The following CALN1 variants were observed in gnomAD, a reference collection of about 807,000 sequenced individuals.
The protein encoded by CALN1 is calneuron 1.
A neutral mutation model predicts 30.6 loss-of-function variants in CALN1; 17 were observed. The ratio of observed to expected loss-of-function variants is 0.56; its 90% CI spans 0.38 to 0.83. The LOEUF is 0.83. CALN1 is among the 40% of genes least tolerant of loss of function. The probability of loss-of-function intolerance (pLI) is 0.00; values close to 1 mark genes in which losing one functional copy is unlikely to be tolerated. For missense variants in CALN1, 291 were observed against 354.9 expected (o/e 0.82, Z 1.45); for synonymous variants, 156 against 131.4 (o/e 1.19, Z -1.28).
intron 4 of CALN1, among the ~76,000 whole-genome samples, chr7:72,028,286 C>T (rs1385460478): frequency 6.6e-6 from 1 of 151,944 alleles, no homozygotes; most frequent in African/African-American, 2.4e-5. Context: ...CCTCTGAAAC[C>T]TCGACTCAGG....
At chr7:72,135,512 T>C (rs1001912110) in intron 3 of CALN1, among the ~76,000 whole-genome samples, 2 of 152,216 alleles carry the variant, frequency 1.3e-5, no homozygotes, top group African/African-American at 4.8e-5. Context: ...GCATTGTCAA[T>C]GAGCAGGAAT....
intron 3 of CALN1, among the ~76,000 whole-genome samples, chr7:72,241,109 T>C (rs1794799956): frequency 6.6e-6 from 1 of 152,166 alleles, no homozygotes; most frequent in Non-Finnish European, 1.5e-5. Flanking sequence ...TGGCACACAG[T>C]AGATTCTTAG....
intron 5 of CALN1, among the ~76,000 whole-genome samples, chr7:71,971,732 T>C (rs1797812190): frequency 6.6e-6 from 1 of 151,108 alleles, no homozygotes; most frequent in South Asian, 2.1e-4. Flanking sequence ...ACCCCGTCTC[T>C]ACAAAAAAGT....
intron 5 of CALN1, among the ~76,000 whole-genome samples, chr7:71,821,212 C>A (rs978030636): frequency 1.3e-5 from 2 of 152,018 alleles, no homozygotes; most frequent in African/African-American, 4.8e-5. Flanking sequence ...GCTATGAAAG[C>A]CCCGAGGGAT....
At chr7:72,501,596 G>A in the CALN1 span, among the ~76,000 whole-genome samples, 2 of 151,034 alleles carry the variant, frequency 1.3e-5, no homozygotes, top group East Asian at 2.0e-4. Flanking sequence ...ACCATGGCTA[G>A]GAGTTATGAA....
chr7:71,951,207 G>A (rs1796672851), intron 5 of CALN1, among the ~76,000 whole-genome samples: 2 of 152,068 alleles, frequency 1.3e-5, no homozygotes, highest in African/African-American at 4.8e-5. Flanking sequence ...CTTTTTATAT[G>A]GCATAAGGGA....
intron 4 of CALN1, among the ~76,000 whole-genome samples, chr7:72,063,710 G>A (rs1803822864): frequency 6.6e-6 from 1 of 152,154 alleles, no homozygotes; most frequent in Non-Finnish European, 1.5e-5. Flanking sequence ...TCTGAAATCA[G>A]AAATGCTAAA....
At chr7:71,961,067 T>C (rs191225650) in intron 5 of CALN1, among the ~76,000 whole-genome samples, 2 of 152,348 alleles carry the variant, frequency 1.3e-5, no homozygotes, top group African/African-American at 4.8e-5. Flanking sequence ...TCTGTTTGCC[T>C]TGGCCTCCCA....
intron 2 of CALN1, among the ~76,000 whole-genome samples, chr7:72,356,695 T>C (rs908760463): frequency 5.3e-5 from 8 of 152,052 alleles, no homozygotes. Context: ...TATTATTGTG[T>C]ATTATTAGCT....
intron 1 of CALN1, among the ~76,000 whole-genome samples, chr7:72,403,734 A>G (rs1425602427): frequency 1.3e-5 from 2 of 152,198 alleles, no homozygotes; most frequent in Non-Finnish European, 2.9e-5. Flanking sequence ...TTGCTGGAGT[A>G]TGTGCAGTGT....
chr7:72,271,307 C>A (rs1231994583), intron 3 of CALN1, among the ~76,000 whole-genome samples: 1 of 151,904 alleles, frequency 6.6e-6, no homozygotes, highest in African/African-American at 2.4e-5. Flanking sequence ...AAAACCAACC[C>A]CAGGAGACAA....
intron 3 of CALN1, among the ~76,000 whole-genome samples, chr7:72,219,594 CCTT>C (rs1367745155): frequency 1.3e-5 from 2 of 152,012 alleles, no homozygotes; most frequent in Admixed American, 6.6e-5. Context: ...ATGTAGTACT[CCTT>C]GATACAATTT....
chr7:72,130,773 G>A (rs987088523), intron 3 of CALN1, among the ~76,000 whole-genome samples: 1 of 152,160 alleles, frequency 6.6e-6, no homozygotes, highest in African/African-American at 2.4e-5. Flanking sequence ...ATTTGTGATT[G>A]TAAAAGTACA....
chr7:72,109,681 C>G (rs1807422716), intron 3 of CALN1, among the ~76,000 whole-genome samples: 1 of 152,212 alleles, frequency 6.6e-6, no homozygotes, highest in South Asian at 2.1e-4. Context: ...TCATGGCACA[C>G]TGTGCTCAAG....
chr7:72,281,628 C>G (rs1360860218), intron 2 of CALN1, among the ~76,000 whole-genome samples: 1 of 152,226 alleles, frequency 6.6e-6, no homozygotes, highest in Non-Finnish European at 1.5e-5. Context: ...GACACCTGCT[C>G]TGTTCTTATC....
At chr7:72,058,617 T>C (rs844760) in intron 4 of CALN1, among the ~76,000 whole-genome samples, 116,249 of 152,062 alleles carry the variant, frequency 0.76, 45,227 homozygotes, top group East Asian at 1. Flanking sequence ...CCATGCCTGG[T>C]CAACAAGCTG....
chr7:72,050,994 C>CAATAAATAAATAAATA (rs10601126), intron 4 of CALN1, among the ~76,000 whole-genome samples: 9 of 139,278 alleles, frequency 6.5e-5, no homozygotes, highest in African/African-American at 1.1e-4. Flanking sequence ...GACTCCACCA[C>CAATAAATAAATAAATA]AATAAATAAA....
chr7:71,826,346 A>T (rs1223805909), intron 5 of CALN1, among the ~76,000 whole-genome samples: 1 of 152,170 alleles, frequency 6.6e-6, no homozygotes, highest in Non-Finnish European at 1.5e-5. Context: ...ATTGACTCCC[A>T]CAGTCTAGAA....
chr7:72,366,943 GGATA>G (rs1287450832), intron 2 of CALN1, among the ~76,000 whole-genome samples: 2 of 151,900 alleles, frequency 1.3e-5, no homozygotes, highest in African/African-American at 4.8e-5. Flanking sequence ...ACAATAAAAT[GGATA>G]AATAAATTAT....
Sources: allele counts gnomAD v4.1 joint callset (sites outside exome capture counted in the v4.1 genomes callset), GRCh38; gene constraint gnomAD v4.1.1; transcripts MANE v1.5; gene names NCBI Gene and HGNC (gene_info 2026-07-23, HGNC 2026-07-21).